Variants in CRPPA observed in about 807,000 individuals in gnomAD.
CRPPA encodes D-ribitol-5-phosphate cytidylyltransferase.
Under a neutral mutation model 52.0 loss-of-function variants are expected in CRPPA, and 43 were observed. The ratio of observed to expected loss-of-function variants is 0.83; its 90% CI spans 0.65 to 1.07. The LOEUF (loss-of-function observed/expected upper bound fraction) is 1.07. Among genes scored for constraint, CRPPA ranks in the 50% least tolerant of loss-of-function variants. The pLI is 0.00. For synonymous variants in CRPPA, 250 were observed against 203.5 expected (o/e 1.23, Z -1.94); for missense variants, 629 against 551.7 (o/e 1.14, Z -1.40).
At chr7:16,172,092 T>A (rs1315931457) in intron 9 of CRPPA, among the ~76,000 whole-genome samples, 1 of 152,236 alleles carries the variant, frequency 6.6e-6, no homozygotes, top group Non-Finnish European at 1.5e-5. Flanking sequence ...ACAAGCAATG[T>A]GACTGCTGTT....
intron 1 of CRPPA, among the ~76,000 whole-genome samples, chr7:16,412,953 T>C (rs1465076285): frequency 6.6e-6 from 1 of 152,144 alleles, no homozygotes. Flanking sequence ...AACAGATCTA[T>C]TGGGAACAGA....
At chr7:16,256,648 C>G (rs1393648344) in intron 8 of CRPPA, among the ~76,000 whole-genome samples, 2 of 152,018 alleles carry the variant, frequency 1.3e-5, no homozygotes, top group Admixed American at 6.6e-5. Flanking sequence ...TCATTCTCAG[C>G]AATCTAACAC....
intron 8 of CRPPA, among the ~76,000 whole-genome samples, chr7:16,231,659 A>C (rs1376504225): frequency 6.6e-6 from 1 of 152,138 alleles, no homozygotes; most frequent in Admixed American, 6.6e-5. Flanking sequence ...TACATAAAAA[A>C]ATTTCCAAAA....
chr7:16,283,514 T>C (rs1246756232), intron 5 of CRPPA, among the ~76,000 whole-genome samples: 1 of 94,880 alleles, frequency 1.1e-5, no homozygotes, highest in Non-Finnish European at 2.8e-5. Flanking sequence ...AAAATGATAC[T>C]ATCTATGTGT....
At chr7:16,300,994 C>G (rs1784779275) in intron 5 of CRPPA, among the ~76,000 whole-genome samples, 1 of 152,148 alleles carries the variant, frequency 6.6e-6, no homozygotes, top group African/African-American at 2.4e-5. Context: ...ATCACCCTGT[C>G]CAGCCTAATT....
At chr7:16,302,063 A>G (rs976658445) in intron 4 of CRPPA, among the ~76,000 whole-genome samples, 1 of 152,134 alleles carries the variant, frequency 6.6e-6, no homozygotes. Flanking sequence ...TTGGGAGGCC[A>G]AGGCAGGCGG....
At chr7:16,097,623 C>T (rs574866304) in intron 9 of CRPPA, among the ~76,000 whole-genome samples, 4 of 152,170 alleles carry the variant, frequency 2.6e-5, no homozygotes, top group South Asian at 2.1e-4. Flanking sequence ...TCTTTGTGTG[C>T]GTTTGTCTTT....
intron 4 of CRPPA, among the ~76,000 whole-genome samples, chr7:16,303,904 C>T (rs1007243330): frequency 2.0e-5 from 3 of 152,086 alleles, no homozygotes; most frequent in Admixed American, 6.6e-5. Flanking sequence ...ATTGTGATTA[C>T]ACAAAAACTT....
At chr7:16,387,103 G>GTA (rs1787309022) in intron 2 of CRPPA, among the ~76,000 whole-genome samples, 1 of 85,608 alleles carries the variant, frequency 1.2e-5, no homozygotes, top group Non-Finnish European at 2.4e-5. Context: ...ATATATATAT[G>GTA]TATATACACA....
intron 3 of CRPPA, among the ~76,000 whole-genome samples, chr7:16,340,740 C>T (rs1204843243): frequency 6.6e-6 from 1 of 152,014 alleles, no homozygotes; most frequent in Non-Finnish European, 1.5e-5. Context: ...TATGATCCAG[C>T]AATCTTACTC....
chr7:16,238,407 G>A (rs1007951241), intron 8 of CRPPA, among the ~76,000 whole-genome samples: 10 of 152,126 alleles, frequency 6.6e-5, no homozygotes, highest in Non-Finnish European at 1.2e-4. Context: ...AAATGAATTG[G>A]TAAGAAGAAA....
rs115652913 is a variant in CRPPA, at chr7:16,250,056, A to C, written c.1119+8334T>G. On this transcript the variant is annotated intron_variant, in intron 8 of 9. Coordinates refer to ENST00000407010, the MANE Select transcript of CRPPA (RefSeq NM_001101426.4). ...ATATAAAAGACCTGGTACAGCTGAA[A>C]AATGCAGCACAAGAACTTCGTGAAG... Among the ~76,000 whole-genome samples the C allele has an allele frequency of 5.7e-3, 862 of 152,328 alleles. 10 individuals carry two copies. The highest frequency in any genetic ancestry group is 0.019 in the African/African-American group (786 of 41,578).
At chr7:16,098,296 G>C (rs7777809) in intron 9 of CRPPA, among the ~76,000 whole-genome samples, 50,041 of 151,988 alleles carry the variant, frequency 0.33, 9,646 homozygotes, top group South Asian at 0.56. Context: ...TCTGCTAAAA[G>C]GAAAACTATA....
chr7:16,399,703 A>G (rs1787744133), intron 2 of CRPPA, among the ~76,000 whole-genome samples: 1 of 151,950 alleles, frequency 6.6e-6, no homozygotes, highest in South Asian at 2.1e-4. Flanking sequence ...GCAACACGTG[A>G]CCAACATGAC....
intron 9 of CRPPA, among the ~76,000 whole-genome samples, chr7:16,169,707 A>G (rs10272834): frequency 1.3e-5 from 2 of 152,200 alleles, no homozygotes; most frequent in African/African-American, 4.8e-5. Context: ...ATGCTGTATC[A>G]CCATTTCACT....
intron 9 of CRPPA, among the ~76,000 whole-genome samples, chr7:16,107,006 C>A (rs1399092074): frequency 1.3e-5 from 2 of 151,956 alleles, no homozygotes; most frequent in African/African-American, 4.8e-5. Context: ...AAGAAACCTT[C>A]AACAGCAGAC....
At chr7:16,408,115 AAAAAAAT>A (rs1414813021) in intron 1 of CRPPA, among the ~76,000 whole-genome samples, 1 of 150,710 alleles carries the variant, frequency 6.6e-6, no homozygotes, top group East Asian at 1.9e-4. Flanking sequence ...CTTTAAAAAA[AAAAAAAT>A]AAAAAAATAA....
At chr7:16,321,692 T>C (rs574903396) in intron 3 of CRPPA, among the ~76,000 whole-genome samples, 1 of 152,264 alleles carries the variant, frequency 6.6e-6, no homozygotes, top group African/African-American at 2.4e-5. Flanking sequence ...GTAGGTCTGT[T>C]GGTTAGTTGG....
intron 2 of CRPPA, among the ~76,000 whole-genome samples, chr7:16,398,263 G>C (rs1787671591): frequency 6.6e-6 from 1 of 151,866 alleles, no homozygotes; most frequent in Non-Finnish European, 1.5e-5. Context: ...ACTCACACGT[G>C]ACCAGTGCAT....
Sources: gnomAD v4.1 joint callset for allele counts (sites outside exome capture counted in the v4.1 genomes callset) on GRCh38, gnomAD v4.1.1 for gene constraint, MANE v1.5 for transcripts, NCBI Gene and HGNC (gene_info 2026-07-23, HGNC 2026-07-21) for gene names.